The following TTF2 variants were observed in gnomAD, a reference collection of about 807,000 sequenced individuals.
The protein encoded by TTF2 is transcription termination factor 2.
TTF2 carries 108 observed loss-of-function variants against 142.4 expected under a neutral mutation model. That is an observed-to-expected ratio of 0.76 (90% CI 0.65 to 0.89). TTF2 has a LOEUF of 0.89. Among genes scored for constraint, TTF2 ranks in the 40% least tolerant of loss-of-function variants. The probability of loss-of-function intolerance (pLI) is 0.00; values close to 1 mark genes in which losing one functional copy is unlikely to be tolerated. For synonymous variants in TTF2, 483 were observed against 506.2 expected (o/e 0.95, Z 0.61); for missense variants, 1,327 against 1,379.8 (o/e 0.96, Z 0.61).
chr1:117,078,176 C>A, intron 8 of TTF2, 133 bp downstream of exon 8: 1 of 1,181,840 alleles, frequency 8.5e-7, no homozygotes, highest in Non-Finnish European at 1.2e-6. Flanking sequence ...TTGCAGCATC[C>A]TCTCCTTTTA....
rs56908949 is a variant in TTF2, at chr1:117,074,814, CTAG to C, written c.286-55_286-53del. ...AGTTGAGATGAAAAGGAAAGGCATT[CTAG>C]ATACGAAGTTTGTATTAATATTTTA... On this transcript the variant is annotated intron_variant, in intron 4 of 22. Transcript: ENST00000369466. 3.7e-3 allele frequency: 5,262 copies of C among 1,440,834 alleles called. 192 individuals are homozygous for C. In the East Asian group the frequency reaches 0.092, roughly 25 times the overall value. The allele number at this position is 1,440,834 out of a possible 1,614,324, so 89.3% of individuals were successfully genotyped here.
Position 117,088,889 on chromosome 1 carries a change from C to T in TTF2, c.2249C>T (p.Ser750Phe). The change falls in exon 13 of 23, where the codon TCC (serine) becomes TTC (phenylalanine). Residue 750 changes from serine to phenylalanine, a missense_variant. Physicochemically the swap from Ser to Phe is radical, Grantham distance 155. Coordinates refer to ENST00000369466, the MANE Select transcript of TTF2 (RefSeq NM_003594.4). ...HNVKNPRVQT[S>F]IAVCKLQACA... ...GTTAAGAATCCCCGAGTGCAGACTT[C>T]CATAGCTGTGTGTAAGCTACAAGCC... 1 of 1,614,176 alleles carries T rather than the reference C, an allele frequency of 6.2e-7. No homozygotes were observed. Among genetic ancestry groups the T allele is most frequent in the Middle Eastern group, 1.6e-4 (1 of 6,062 alleles).
At chr1:117,061,502 G>GT (rs1403436270) in intron 2 of TTF2, among the ~76,000 whole-genome samples, 10 of 152,190 alleles carry the variant, frequency 6.6e-5, no homozygotes, top group Admixed American at 2.6e-4. Context: ...CAGATGTAGA[G>GT]TACATAATGG....
rs1026530022 is a variant in TTF2 at position 117,102,456 on chromosome 1, T to C, written c.*932T>C. The C allele has an allele frequency of 6.6e-6, 1 of 152,230 alleles. No homozygotes were observed. The highest frequency in any genetic ancestry group is 2.4e-5 in the African/African-American group (1 of 41,450). The allele number at this position is 152,230 out of a possible 1,614,324, so 9.4% of individuals were successfully genotyped here. On this transcript the variant is annotated 3_prime_UTR_variant, in exon 23 of 23. Transcript: ENST00000369466. ...TTATCATTGTATTGTTTAGTGTCAG[T>C]GTATCATTTAGTATTTGTATCACTG...
chr1:117,081,377 A>G (rs1647496168), intron 9 of TTF2, among the ~76,000 whole-genome samples: 2 of 152,222 alleles, frequency 1.3e-5, no homozygotes, highest in Admixed American at 1.3e-4. Context: ...ATGTTCATTT[A>G]TGTCCTCTTT....
At chr1:117,067,881 G>A (rs941650471) in intron 3 of TTF2, among the ~76,000 whole-genome samples, 2 of 152,244 alleles carry the variant, frequency 1.3e-5, no homozygotes, top group African/African-American at 4.8e-5. Flanking sequence ...ATAGAAGGGA[G>A]GTGTAAACTG....
At chr1:117,067,303 C>T (rs537004582) in intron 3 of TTF2, among the ~76,000 whole-genome samples, 14 of 151,952 alleles carry the variant, frequency 9.2e-5, no homozygotes, top group South Asian at 6.2e-4. Flanking sequence ...AGGCCAAGGC[C>T]GGCGGATCAC....
intron 20 of TTF2, 83 bp downstream of exon 20, chr1:117,096,382 T>C (rs374728746): frequency 5.3e-6 from 8 of 1,512,962 alleles, no homozygotes; most frequent in Non-Finnish European, 8.9e-7. Flanking sequence ...TTGGTTTTTG[T>C]TTTTGTCTTT....
In TTF2 at chr1:117,095,437, T is replaced by C. The variant is rs964976330; in HGVS notation, c.3035+70T>C. The C allele has an allele frequency of 2.2e-5, 32 of 1,455,196 alleles. No homozygotes were observed. In the Admixed American group the frequency reaches 5.2e-4, roughly 24 times the overall value. 90.1% of individuals were successfully genotyped at this position (1,455,196 alleles called of 1,614,324 possible). A position where few individuals can be genotyped will look rare whatever the true frequency, so the allele number is the denominator to read the frequency against. On this transcript the variant is annotated intron_variant, in intron 19 of 22. Coordinates refer to ENST00000369466, the MANE Select transcript of TTF2 (RefSeq NM_003594.4). ...GAGAAAATTTGATATTGCCAAGAGT[T>C]ATAAATCAAGGACTGTGAGTCATGC...
rs762573972 is a variant in TTF2, at chr1:117,076,666, A to G, written c.1416A>G (p.Gln472=). Residue 472 remains glutamine, a synonymous_variant, in exon 7 of 23, where the codon CAA becomes CAG. Transcript: ENST00000369466. The surrounding 1 kb of genome is among the most constrained non-coding windows in gnomAD (Gnocchi z 4.6). ...GAACTAATGAGAAGAGTAACAGTCA[A>G]GTACCACAGCAGAGTCACTTCACCA... is the stretch of plus-strand genomic sequence containing the variant. ...EQGTNEKSNS[Q]VPQQSHFTKT... 1.2e-6 allele frequency: 2 copies of G among 1,612,808 alleles called. No individual in the cohort carries two copies. Among genetic ancestry groups the G allele is most frequent in the African/African-American group, 1.3e-5 (1 of 74,924 alleles).
Position 117,070,421 on chromosome 1 carries a change from G to T in TTF2, c.219-3240G>T, listed in dbSNP as rs914111159. 6.6e-6 allele frequency among the ~76,000 whole-genome samples: 1 copy of T among 152,166 alleles called. No individual in the cohort carries two copies. The highest frequency in any genetic ancestry group is 2.4e-5 in the African/African-American group (1 of 41,438). On this transcript the variant is annotated intron_variant, in intron 3 of 22. Coordinates refer to ENST00000369466, the MANE Select transcript of TTF2 (RefSeq NM_003594.4). This position sits in a 1 kb window ranked among gnomAD's most constrained non-coding sequence, Gnocchi z 4.2. ...ATTTGTAACACAGTGCTAAGTATTT[G>T]TATATCTAAACAAAGAAAATGTACA...
chr1:117,094,870 G>A, intron 18 of TTF2: 1 of 338,966 alleles, frequency 3.0e-6, no homozygotes, highest in Non-Finnish European at 5.7e-6. Flanking sequence ...GTACTTTGGG[G>A]GTTGGGAGGA....
rs769075703 is a variant in TTF2, at chr1:117,075,512, C to T, written c.928C>T (p.Gln310Ter). 1 of 1,614,184 alleles carries T rather than the reference C, an allele frequency of 6.2e-7. No homozygotes were observed. Among genetic ancestry groups the T allele is most frequent in the East Asian group, 2.2e-5 (1 of 44,878 alleles). Residue 310 changes from glutamine to a stop codon, truncating the protein, a stop_gained, in exon 5 of 23, where the codon CAG becomes TAG. Coordinates refer to ENST00000369466, the MANE Select transcript of TTF2 (RefSeq NM_003594.4). LOFTEE classifies it high-confidence loss of function. The surrounding 1 kb of genome is among the most constrained non-coding windows in gnomAD (Gnocchi z 4.5). ...SIQATQKSLPQGHFQERPETH... is the reference protein window; with the variant it reads ...SIQATQKSLP ...ACAGGCCACCCAGAAAAGCCTGCCT[C>T]AGGGGCATTTCCAAGAGCGGCCGGA...
intron 3 of TTF2, among the ~76,000 whole-genome samples, chr1:117,065,552 G>A (rs758899956): frequency 1.3e-5 from 2 of 152,046 alleles, no homozygotes; most frequent in Admixed American, 6.6e-5. Context: ...AGCCGGGATC[G>A]CGCCACCGCA....
At position 117,079,612 on chromosome 1, in the gene TTF2, A is replaced by G. The variant is rs534145880; in HGVS notation, c.1746A>G (p.Leu582=). The G allele has an allele frequency of 1.2e-6, 2 of 1,614,232 alleles. No individual in the cohort carries two copies. The highest frequency in any genetic ancestry group is 1.1e-5 in the South Asian group (1 of 91,088). Residue 582 remains leucine, a synonymous_variant, in exon 9 of 23, where the codon CTA becomes CTG. Transcript: ENST00000369466. The surrounding 1 kb of genome is among the most constrained non-coding windows in gnomAD (Gnocchi z 4.2). ...AGAAGCAGGCATTGGCTTGGTTACT[A>G]TGGCGAGAAAGTCAGAAGCCACAAG... ...LHQKQALAWL[L]WRESQKPQGG... is the part of the protein sequence containing the mutation.
intron 3 of TTF2, among the ~76,000 whole-genome samples, chr1:117,071,522 G>GC (rs1430923755): frequency 2.6e-5 from 4 of 152,146 alleles, no homozygotes; most frequent in African/African-American, 9.7e-5. Flanking sequence ...AAACTAATGA[G>GC]CAGTTACATG....
At chr1:117,078,151 C>G (rs898044861) in intron 8 of TTF2, 108 bp downstream of exon 8, 1 of 1,395,664 alleles carries the variant, frequency 7.2e-7, no homozygotes, top group South Asian at 1.4e-5. Flanking sequence ...CAGACAGATG[C>G]TTAAATGGCT....
chr1:117,084,180 A>G lies in TTF2; in HGVS notation c.2054+12A>G, dbSNP rs368745083. 2.4e-5 allele frequency: 39 copies of G among 1,613,990 alleles called. No homozygotes were observed. Among genetic ancestry groups the G allele is most frequent in the Non-Finnish European group, 3.0e-5 (35 of 1,179,980 alleles). The stretch of plus-strand genomic sequence containing the variant: ...TCACGTGCCAGAGTGTAAGTGCAGG[A>G]ATACGCAGTTGTGGGGGCGTTCAGC... On this transcript the variant is annotated intron_variant, in intron 11 of 22. Coordinates refer to ENST00000369466, the MANE Select transcript of TTF2 (RefSeq NM_003594.4).
At chr1:117,072,082 T>C (rs1219777510) in intron 3 of TTF2, among the ~76,000 whole-genome samples, 1 of 152,160 alleles carries the variant, frequency 6.6e-6, no homozygotes, top group African/African-American at 2.4e-5. Flanking sequence ...ATGCAAAGTC[T>C]AGTAGACTGG....
Sources: allele counts gnomAD v4.1 joint callset (sites outside exome capture counted in the v4.1 genomes callset), GRCh38; gene constraint gnomAD v4.1.1; non-coding constraint Gnocchi (gnomAD v3.1); transcripts MANE v1.5; gene names NCBI Gene and HGNC (gene_info 2026-07-23, HGNC 2026-07-21).